The following STX4 variants were observed in gnomAD, a reference collection of about 807,000 sequenced individuals.
STX4 encodes the protein syntaxin 4.
A neutral mutation model predicts 41.8 loss-of-function variants in STX4; 24 were observed. The ratio of observed to expected loss-of-function variants is 0.57; its 90% CI spans 0.42 to 0.81. The LOEUF is 0.81. Among genes scored for constraint, STX4 ranks in the 30% least tolerant of loss-of-function variants. The pLI is 0.00. For synonymous variants in STX4, 158 were observed against 156.4 expected, an observed-to-expected ratio of 1.01 and a Z score of -0.08; for missense variants, 316 against 389.9, an observed-to-expected ratio of 0.81 and a Z score of 1.60.
In STX4 at chr16:31,033,929, G is replaced by A. The variant is rs1298339756; in HGVS notation, c.31-84G>A. On this transcript the variant is annotated intron_variant, in intron 1 of 10. Transcript: ENST00000313843. The surrounding 1 kb of genome is among the most constrained non-coding windows in gnomAD (Gnocchi z 5.5). ...GATAGGGAGGGGTGGCTGATGGCCA[G>A]GAAGGAAAGTCCCGGAAGCCTGTGG... 2.1e-6 allele frequency: 3 copies of A among 1,462,274 alleles called. No homozygotes were observed. Among genetic ancestry groups the A allele is most frequent in the Non-Finnish European group, 9.1e-7 (1 of 1,103,292 alleles). 90.6% of individuals were successfully genotyped at this position (1,462,274 alleles called of 1,614,324 possible). A position where few individuals can be genotyped will look rare whatever the true frequency, so the allele number is the denominator to read the frequency against.
At position 31,034,522 on chromosome 16, in the gene STX4, G is replaced by A. The variant is rs746110338; in HGVS notation, c.293G>A (p.Arg98His). The A allele has an allele frequency of 3.1e-6, 5 of 1,596,408 alleles. No homozygotes were observed. Among genetic ancestry groups the A allele is most frequent in the South Asian group, 2.3e-5 (2 of 88,818 alleles). ...DEIKQLGREI[R>H]LQLKAIEPQK... ...ATCAAACAGCTGGGGAGGGAGATCCGCCTGCAGCTGAAGGGTGAGCTCCTG... is the reference window on the plus strand; with the variant it reads ...ATCAAACAGCTGGGGAGGGAGATCCACCTGCAGCTGAAGGGTGAGCTCCTG... The change falls in exon 4 of 11, where the codon CGC (arginine) becomes CAC (histidine). Residue 98 changes from arginine (R) to histidine (H), a missense_variant. Coordinates refer to ENST00000313843, the MANE Select transcript of STX4 (RefSeq NM_004604.5).
At chr16:31,033,381 G>T, upstream of STX4, 3 of 1,090,680 alleles carry the variant, frequency 2.8e-6, no homozygotes, top group South Asian at 2.7e-5. The surrounding 1 kb of genome is among the most constrained non-coding windows in gnomAD (Gnocchi z 5.5). Flanking sequence ...TACCCCTTTT[G>T]GCAACCAGAT....
At chr16:31,036,988 TG>T (rs2143722016) in intron 5 of STX4, among the ~76,000 whole-genome samples, 1 of 148,504 alleles carries the variant, frequency 6.7e-6, no homozygotes, top group South Asian at 2.2e-4. Flanking sequence ...CCCAGCACTT[TG>T]GAGGCTGAGG....
At chr16:31,036,379 T>G (rs1278066980) in intron 5 of STX4, among the ~76,000 whole-genome samples, 2 of 152,100 alleles carry the variant, frequency 1.3e-5, no homozygotes, top group East Asian at 3.9e-4. Context: ...TGGTGGTGAT[T>G]GGCATGAGTG....
Position 31,039,609 on chromosome 16 carries a change from G to A in STX4, c.771G>A (p.Glu257=), listed in dbSNP as rs966581561. The change falls in exon 9 of 11, where the codon GAG becomes GAA. Residue 257 remains glutamate (E), a synonymous_variant. Transcript: ENST00000313843. The surrounding 1 kb of genome is among the most constrained non-coding windows in gnomAD (Gnocchi z 4.1). ...CGGACTACGTGGAACGTGGGCAGGA[G>A]CACGTCAAGACGGCCCTGGAGAACC... The part of the protein sequence containing the change: ...SSADYVERGQ[E]HVKTALENQK... The A allele has an allele frequency of 6.2e-7, 1 of 1,614,188 alleles. No individual in the cohort carries two copies. The highest frequency in any genetic ancestry group is 8.5e-7 in the Non-Finnish European group (1 of 1,180,036).
chr16:31,034,609 TG>T, intron 4 of STX4, 73 bp downstream of exon 4: 1 of 1,445,996 alleles, frequency 6.9e-7, no homozygotes, highest in Non-Finnish European at 9.2e-7. Context: ...GGGGAGTGTG[TG>T]GCCCAGAGAA....
At chr16:31,034,562 T>G (rs765986312) in intron 4 of STX4, 26 bp downstream of exon 4, 2 of 1,544,440 alleles carry the variant, frequency 1.3e-6, no homozygotes, top group East Asian at 4.6e-5. Context: ...CTCAGACAGA[T>G]CCTTCCCTCT....
rs2056821804 is a variant in STX4 at position 31,038,656 on chromosome 16, C to T, written c.702+9C>T. The T allele has an allele frequency of 6.2e-7, 1 of 1,613,384 alleles. No homozygotes were observed. Among genetic ancestry groups the T allele is most frequent in the Non-Finnish European group, 8.5e-7 (1 of 1,179,836 alleles). On this transcript the variant is annotated intron_variant, in intron 8 of 10. Coordinates refer to ENST00000313843, the MANE Select transcript of STX4 (RefSeq NM_004604.5). ...CCGAAGTGGAGATGCAGGTGGGTGC[C>T]CCGCGCAGCCCCAGACGTGAGACCA...
Position 31,033,581 on chromosome 16 carries a change from G to C in STX4, c.-225G>C, listed in dbSNP as rs994784759. On this transcript the variant is annotated 5_prime_UTR_variant, in exon 1 of 11. Transcript: ENST00000313843. This position sits in a 1 kb window ranked among gnomAD's most constrained non-coding sequence, Gnocchi z 5.5. ...GGGCTGAGGCTGCGGGAGCTGGAGC[G>C]GGGAAGAAAAGGGAATTCCAACCTG... The C allele has an allele frequency of 6.5e-7, 1 of 1,533,912 alleles. No homozygotes were observed. Among genetic ancestry groups the C allele is most frequent in the Non-Finnish European group, 8.8e-7 (1 of 1,138,202 alleles).
At chr16:31,038,459 C>T in intron 7 of STX4, 51 bp from the exon 8 acceptor site, 2 of 1,605,096 alleles carry the variant, frequency 1.2e-6, no homozygotes, top group Non-Finnish European at 1.7e-6. Context: ...AGTTTCTGAC[C>T]TGCTGTCGGT....
At chr16:31,034,633 T>C in intron 4 of STX4, 97 bp downstream of exon 4, 1 of 1,350,546 alleles carries the variant, frequency 7.4e-7, no homozygotes, top group South Asian at 1.5e-5. Context: ...CAGTGATATA[T>C]CCAGGTCACA....
Position 31,034,130 on chromosome 16 carries a change from C to G in STX4, c.132+16C>G. ...CTTCCACAAGGTAAGGGGCTGGGGT[C>G]TCCGCCTGGATTCGCGAGGGTGTAG... On this transcript the variant is annotated intron_variant, in intron 2 of 10. Coordinates refer to ENST00000313843, the MANE Select transcript of STX4 (RefSeq NM_004604.5). 6.2e-7 allele frequency: 1 copy of G among 1,608,014 alleles called. No individual in the cohort carries two copies. Among genetic ancestry groups the G allele is most frequent in the East Asian group, 2.2e-5 (1 of 44,766 alleles).
chr16:31,038,072 G>A (rs1273716205), intron 6 of STX4, 38 bp downstream of exon 6: 2 of 1,614,174 alleles, frequency 1.2e-6, no homozygotes, highest in Admixed American at 1.7e-5. Flanking sequence ...GCAGGGGCAG[G>A]TAATCCCAAC....
intron 4 of STX4, 48 bp downstream of exon 4, chr16:31,034,584 G>A (rs1225701634): frequency 6.7e-7 from 1 of 1,503,010 alleles, no homozygotes; most frequent in Non-Finnish European, 8.9e-7. Flanking sequence ...ATCCTGCCCT[G>A]TTGTTGGTAT....
At chr16:31,034,750 T>TA (rs1460558929) in intron 4 of STX4, 3 of 689,302 alleles carry the variant, frequency 4.4e-6, no homozygotes, top group Non-Finnish European at 7.0e-6. Context: ...ACCATTTACT[T>TA]ACACAGTTAT....
chr16:31,035,061 A>G, intron 5 of STX4, 21 bp downstream of exon 5: 1 of 1,589,876 alleles, frequency 6.3e-7, no homozygotes, highest in Non-Finnish European at 8.6e-7. Flanking sequence ...TTTCTCAGAA[A>G]TGAGGACATT....
At chr16:31,038,845 T>C (rs1443616361) in intron 8 of STX4, among the ~76,000 whole-genome samples, 198 bp downstream of exon 8, 4 of 151,540 alleles carry the variant, frequency 2.6e-5, no homozygotes, top group African/African-American at 9.7e-5. Context: ...CCCACTCCCT[T>C]CTGCATAGCA....
chr16:31,033,403 G>C (rs912066363), upstream of STX4: 2 of 1,311,580 alleles, frequency 1.5e-6, no homozygotes, highest in East Asian at 2.5e-5. The surrounding 1 kb of genome is among the most constrained non-coding windows in gnomAD (Gnocchi z 5.5). Flanking sequence ...TCCGTTGGAA[G>C]ATGCAACGGT....
intron 2 of STX4, 21 bp downstream of exon 2, chr16:31,034,135 C>T (rs1271164641): frequency 3.1e-6 from 5 of 1,608,032 alleles, no homozygotes; most frequent in Non-Finnish European, 4.3e-6. Flanking sequence ...GGGGTCTCCG[C>T]CTGGATTCGC....
Sources: gnomAD v4.1 joint callset for allele counts (sites outside exome capture counted in the v4.1 genomes callset) on GRCh38, gnomAD v4.1.1 for gene constraint, Gnocchi (gnomAD v3.1) non-coding constraint, MANE v1.5 for transcripts, NCBI Gene and HGNC (gene_info 2026-07-23, HGNC 2026-07-21) for gene names.